Variants in BLZF1 observed in about 807,000 individuals in gnomAD.
BLZF1 encodes basic leucine zipper nuclear factor 1, also known as golgin-45.
In BLZF1, 39 loss-of-function variants were observed where a neutral mutation model predicts 43.8. The ratio of observed to expected loss-of-function variants is 0.89; its 90% CI spans 0.69 to 1.16. The LOEUF is 1.16. Ranked by LOEUF, BLZF1 falls within the 50% of genes most tolerant of loss-of-function variation. The probability of loss-of-function intolerance (pLI) is 0.00; values close to 1 mark genes in which losing one functional copy is unlikely to be tolerated. For synonymous variants in BLZF1, 136 were observed against 159.4 expected (o/e 0.85, Z 1.11); for missense variants, 449 against 469.8 (o/e 0.96, Z 0.41).
chr1:169,391,326 A>C (rs1300058768), downstream of BLZF1, among the ~76,000 whole-genome samples: 5 of 152,268 alleles, frequency 3.3e-5, no homozygotes, highest in East Asian at 9.6e-4. Flanking sequence ...AGGGTTGTGC[A>C]CTTTTGAGCA....
At chr1:169,385,846 C>A (rs769545992) in intron 6 of BLZF1, among the ~76,000 whole-genome samples, 12 of 152,110 alleles carry the variant, frequency 7.9e-5, no homozygotes, top group Non-Finnish European at 1.6e-4. Flanking sequence ...ACCACATGAC[C>A]GCTAGGGAAA....
At chr1:169,379,105 C>G (rs941080861) in intron 4 of BLZF1, among the ~76,000 whole-genome samples, 3 of 151,670 alleles carry the variant, frequency 2.0e-5, no homozygotes, top group African/African-American at 7.3e-5. Flanking sequence ...TCTATTTATC[C>G]CCTCCCTGCC....
chr1:169,372,136 T>C (rs1446936612), intron 2 of BLZF1, among the ~76,000 whole-genome samples: 1 of 152,194 alleles, frequency 6.6e-6, no homozygotes, highest in Non-Finnish European at 1.5e-5. Flanking sequence ...GATGTTACTC[T>C]TAAGTCCATT....
chr1:169,380,501 C>A lies in BLZF1; in HGVS notation c.689C>A (p.Thr230Asn). ...LASRVMADEL[T>N]NSRAALQRQN... is the part of the protein sequence containing the mutation. ...TTCAGGGTAATGGCAGATGAGTTAA[C>A]CAACTCAAGAGCAGCTTTACAGCGT... The change falls in exon 5 of 7, where the codon ACC becomes AAC. Residue 230 changes from threonine (T) to asparagine (N), a missense_variant. Physicochemically the swap from Thr to Asn is moderately conservative, Grantham distance 65. Transcript: ENST00000367808. The A allele has an allele frequency of 1.2e-6, 2 of 1,611,618 alleles. No individual in the cohort carries two copies. The highest frequency in any genetic ancestry group is 1.7e-6 in the Non-Finnish European group (2 of 1,178,286).
intron 7 of BLZF1, chr1:169,395,890 T>TTC (rs10684188): frequency 6.6e-6 from 1 of 150,626 alleles, no homozygotes; most frequent in Non-Finnish European, 1.5e-5. Flanking sequence ...TTTTTTTTTT[T>TTC]CAGAATAAAC....
Position 169,387,321 on chromosome 1 carries a change from G to T in BLZF1, c.*139G>T. ...ATGTATACACCCAAAGATATTTTAT[G>T]TACTAGACTCCAGATTACCCTTTCT... On this transcript the variant is annotated 3_prime_UTR_variant, in exon 7 of 7. Coordinates refer to ENST00000367808, the MANE Select transcript of BLZF1 (RefSeq NM_001320973.2). 1.4e-6 allele frequency: 1 copy of T among 694,100 alleles called. No homozygotes were observed. 43.0% of individuals were successfully genotyped at this position (694,100 alleles called of 1,614,324 possible).
At chr1:169,373,104 G>T (rs1654180216) in intron 2 of BLZF1, among the ~76,000 whole-genome samples, 1 of 151,812 alleles carries the variant, frequency 6.6e-6, no homozygotes, top group South Asian at 2.1e-4. Flanking sequence ...TTTACTCTCT[G>T]GTCCTTTACA....
At chr1:169,391,324 G>A (rs1654810020), downstream of BLZF1, among the ~76,000 whole-genome samples, 1 of 152,172 alleles carries the variant, frequency 6.6e-6, no homozygotes, top group Admixed American at 6.5e-5. Context: ...TAAGGGTTGT[G>A]CACTTTTGAG....
chr1:169,376,329 A>G (rs1194495784), intron 2 of BLZF1, among the ~76,000 whole-genome samples: 1 of 152,140 alleles, frequency 6.6e-6, no homozygotes, highest in Non-Finnish European at 1.5e-5. Context: ...AGAACCAAAT[A>G]TTCTGATTCC....
downstream of BLZF1, among the ~76,000 whole-genome samples, chr1:169,390,315 G>T (rs1654787087): frequency 1.3e-5 from 2 of 151,986 alleles, no homozygotes; most frequent in South Asian, 4.1e-4. Flanking sequence ...AACCCAATGT[G>T]AGAAGAAGGA....
chr1:169,390,717 CAA>C (rs1332070158), downstream of BLZF1, among the ~76,000 whole-genome samples: 18 of 152,220 alleles, frequency 1.2e-4, no homozygotes, highest in Admixed American at 3.3e-4. Context: ...TTTTCCCACA[CAA>C]GAGATTTCTA....
At chr1:169,391,608 C>T (rs1654815896), downstream of BLZF1, among the ~76,000 whole-genome samples, 1 of 152,180 alleles carries the variant, frequency 6.6e-6, no homozygotes, top group Non-Finnish European at 1.5e-5. Context: ...TATCACCAGA[C>T]CAATTCAAAA....
At chr1:169,375,432 G>T (rs867135194) in intron 2 of BLZF1, among the ~76,000 whole-genome samples, 7 of 54,270 alleles carry the variant, frequency 1.3e-4, no homozygotes, top group Non-Finnish European at 2.0e-4. Context: ...ATATATATAT[G>T]GTCTGGCTGG....
At chr1:169,372,853 C>T (rs1235393050) in intron 2 of BLZF1, among the ~76,000 whole-genome samples, 2 of 151,878 alleles carry the variant, frequency 1.3e-5, no homozygotes, top group Admixed American at 6.6e-5. Flanking sequence ...AATTGTGGCC[C>T]TCAGCCTCCT....
downstream of BLZF1, among the ~76,000 whole-genome samples, chr1:169,390,653 T>C (rs1357993558): frequency 2.0e-5 from 3 of 152,144 alleles, no homozygotes; most frequent in Non-Finnish European, 4.4e-5. Context: ...AAAGGGAGAA[T>C]TATTCTGAGG....
At chr1:169,375,397 T>TATATAC (rs1553199962) in intron 2 of BLZF1, among the ~76,000 whole-genome samples, 1 of 35,612 alleles carries the variant, frequency 2.8e-5, no homozygotes, top group South Asian at 9.2e-4. Flanking sequence ...ATAAAACATA[T>TATATAC]ATATATATAT....
At chr1:169,379,004 ACT>A (rs915630486) in intron 4 of BLZF1, among the ~76,000 whole-genome samples, 1 of 151,884 alleles carries the variant, frequency 6.6e-6, no homozygotes. Flanking sequence ...GGATGAGGCT[ACT>A]CTCATATGGC....
At chr1:169,373,273 A>G (rs1654184851) in intron 2 of BLZF1, among the ~76,000 whole-genome samples, 2 of 152,194 alleles carry the variant, frequency 1.3e-5, no homozygotes, top group Admixed American at 6.5e-5. Context: ...ATGATGATGA[A>G]TAATTTAAGG....
chr1:169,372,510 A>C (rs773033414), intron 2 of BLZF1, among the ~76,000 whole-genome samples: 1 of 152,270 alleles, frequency 6.6e-6, no homozygotes, highest in East Asian at 1.9e-4. Flanking sequence ...GAGGCGGTCC[A>C]TACCCTGAAG....
Sources: allele counts gnomAD v4.1 joint callset (sites outside exome capture counted in the v4.1 genomes callset), GRCh38; gene constraint gnomAD v4.1.1; transcripts MANE v1.5; gene names NCBI Gene and HGNC (gene_info 2026-07-23, HGNC 2026-07-21).